The following TYW1 variants were observed in gnomAD, a reference collection of about 807,000 sequenced individuals.
TYW1 encodes tRNA-yW synthesizing protein 1 homolog, also known as S-adenosyl-L-methionine-dependent tRNA 4-demethylwyosine synthase TYW1.
TYW1 carries 46 observed loss-of-function variants against 96.2 expected under a neutral mutation model. That is an observed-to-expected ratio of 0.48 (90% CI 0.38 to 0.61). The LOEUF (loss-of-function observed/expected upper bound fraction) is 0.61. Ranked by LOEUF, TYW1 falls within the 20% of genes least tolerant of loss-of-function variation. The probability of loss-of-function intolerance (pLI) is 0.00; values close to 1 mark genes in which losing one functional copy is unlikely to be tolerated. For missense variants in TYW1, 684 were observed against 909.6 expected (o/e 0.75, Z 3.19); for synonymous variants, 274 against 323.0 (o/e 0.85, Z 1.63).
intron 4 of TYW1, among the ~76,000 whole-genome samples, chr7:67,012,291 T>C (rs1793836822): frequency 6.6e-6 from 1 of 152,016 alleles, no homozygotes; most frequent in Non-Finnish European, 1.5e-5. Flanking sequence ...GAGGTTGCAG[T>C]GAGCTGAGAT....
rs778743156 is a variant in TYW1, at chr7:67,032,885, C to CTTTTTTTTTTTTTTTTTT, written c.984+7875_984+7892dup. 5.2e-5 allele frequency among the ~76,000 whole-genome samples: 4 copies of CTTTTTTTTTTTTTTTTTT among 76,256 alleles called. 1 individual carries two copies. The highest frequency in any genetic ancestry group is 7.0e-5 in the Non-Finnish European group (3 of 42,590). The allele number at this position is 76,256 out of a possible 152,430, so 50.0% of individuals were successfully genotyped here. ...ATTTTCCAGCAGCAGAGAAGTATAC[C>CTTTTTTTTTTTTTTTTTT]TTTTTTTTTTTTTTTTTTTTTTTTT... On this transcript the variant is annotated intron_variant, in intron 7 of 15. Coordinates refer to ENST00000359626, the MANE Select transcript of TYW1 (RefSeq NM_018264.4).
chr7:67,079,447 A>G (rs1400578271), intron 10 of TYW1, among the ~76,000 whole-genome samples: 1 of 151,396 alleles, frequency 6.6e-6, no homozygotes, highest in East Asian at 1.9e-4. Context: ...TGGTATCAGT[A>G]GTAATGTCTC....
chr7:67,153,920 ACTTT>A (rs1296318237), intron 13 of TYW1, among the ~76,000 whole-genome samples: 2 of 133,476 alleles, frequency 1.5e-5, no homozygotes, highest in Admixed American at 8.0e-5. Context: ...CATTTTAACG[ACTTT>A]CTTTTTTTTT....
At chr7:67,066,655 C>T (rs147039642) in intron 9 of TYW1, among the ~76,000 whole-genome samples, 337 of 152,208 alleles carry the variant, frequency 2.2e-3, no homozygotes, top group African/African-American at 7.4e-3. Context: ...TCAAGACCAG[C>T]CTGGGCAACA....
intron 14 of TYW1, among the ~76,000 whole-genome samples, chr7:67,188,073 C>T (rs1230389864): frequency 6.6e-6 from 1 of 152,230 alleles, no homozygotes; most frequent in East Asian, 1.9e-4. Context: ...GTAATCCCAG[C>T]ACTTTGGGAG....
At chr7:67,202,496 C>T (rs556400321) in intron 15 of TYW1, among the ~76,000 whole-genome samples, 50 of 152,234 alleles carry the variant, frequency 3.3e-4, no homozygotes, top group African/African-American at 1.1e-3. Flanking sequence ...TCCCAGGCTC[C>T]AGCAGTCCTC....
rs555889554 is a variant in TYW1 at position 67,147,641 on chromosome 7, C to T, written c.1698+30023C>T. The stretch of plus-strand genomic sequence containing the variant: ...TCTCTATGTGTCCATGTGTTCTCAT[C>T]ATTTAGCTACCACTTATAAGTGAGA... On this transcript the variant is annotated intron_variant, in intron 13 of 15. Coordinates refer to ENST00000359626, the MANE Select transcript of TYW1 (RefSeq NM_018264.4). Among the ~76,000 whole-genome samples the T allele has an allele frequency of 7.9e-5, 12 of 152,204 alleles. No homozygotes were observed. The South Asian group carries it at 8.3e-4, about 11-fold the overall frequency.
intron 9 of TYW1, among the ~76,000 whole-genome samples, chr7:67,060,017 C>T (rs1449357566): frequency 6.7e-6 from 1 of 149,802 alleles, no homozygotes; most frequent in African/African-American, 2.5e-5. Context: ...AAGTGATCTA[C>T]CTGCCTTGGC....
chr7:67,086,092 A>G (rs1272230039), intron 11 of TYW1, among the ~76,000 whole-genome samples: 3 of 152,196 alleles, frequency 2.0e-5, no homozygotes, highest in Non-Finnish European at 4.4e-5. Context: ...TACATTTACA[A>G]AGAAGCTAAT....
chr7:67,016,317 G>C (rs1050735741), intron 5 of TYW1, among the ~76,000 whole-genome samples: 1 of 151,078 alleles, frequency 6.6e-6, no homozygotes, highest in Non-Finnish European at 1.5e-5. Flanking sequence ...GGAGGCAGAG[G>C]CGGGCGGATC....
intron 9 of TYW1, among the ~76,000 whole-genome samples, chr7:67,057,779 C>A (rs1180238666): frequency 6.6e-6 from 1 of 152,100 alleles, no homozygotes; most frequent in Non-Finnish European, 1.5e-5. Flanking sequence ...TCTAGAAGTT[C>A]TTTATATGTT....
intron 14 of TYW1, among the ~76,000 whole-genome samples, chr7:67,192,635 G>A (rs949791853): frequency 3.9e-5 from 6 of 152,196 alleles, no homozygotes; most frequent in South Asian, 2.1e-4. Flanking sequence ...CCATGCTTTC[G>A]TAATGATGTC....
intron 6 of TYW1, among the ~76,000 whole-genome samples, chr7:67,024,568 G>T (rs1161071753): frequency 6.6e-6 from 1 of 152,032 alleles, no homozygotes; most frequent in South Asian, 2.1e-4. Flanking sequence ...ATTACCTGAG[G>T]TCAGGGGTTC....
chr7:67,208,443 G>A (rs1480842435), intron 15 of TYW1, among the ~76,000 whole-genome samples: 4 of 152,144 alleles, frequency 2.6e-5, no homozygotes, highest in African/African-American at 9.7e-5. Flanking sequence ...TGTAATCCCA[G>A]CACTTTGGGA....
chr7:67,136,855 C>G (rs1301968965), intron 13 of TYW1, among the ~76,000 whole-genome samples: 1 of 152,062 alleles, frequency 6.6e-6, no homozygotes, highest in Non-Finnish European at 1.5e-5. Flanking sequence ...CAGACTTTCA[C>G]TCTGTCGCCC....
intron 10 of TYW1, among the ~76,000 whole-genome samples, chr7:67,071,557 A>G (rs1193035275): frequency 6.6e-6 from 1 of 151,840 alleles, no homozygotes; most frequent in African/African-American, 2.4e-5. Flanking sequence ...GGTTCAAGCA[A>G]TTCTCATTCC....
intron 7 of TYW1, among the ~76,000 whole-genome samples, chr7:67,042,175 A>C (rs1795050584): frequency 6.8e-6 from 1 of 148,078 alleles, no homozygotes; most frequent in Non-Finnish European, 1.5e-5. Context: ...AATTAGAATT[A>C]GAATATAATA....
chr7:67,182,179 T>G (rs950658449), intron 13 of TYW1, among the ~76,000 whole-genome samples: 69 of 152,282 alleles, frequency 4.5e-4, no homozygotes, highest in African/African-American at 1.6e-3. Context: ...GTTTTTGAAT[T>G]TTTAATCATT....
At chr7:67,160,522 G>GTATACATATACA (rs58873729) in intron 13 of TYW1, among the ~76,000 whole-genome samples, 3,337 of 145,566 alleles carry the variant, frequency 0.023, 106 homozygotes, top group East Asian at 0.09. Flanking sequence ...TAAGGTATGT[G>GTATACATATACA]TATACATATA....
Sources: gnomAD v4.1 joint callset for allele counts (sites outside exome capture counted in the v4.1 genomes callset) on GRCh38, gnomAD v4.1.1 for gene constraint, MANE v1.5 for transcripts, NCBI Gene and HGNC (gene_info 2026-07-23, HGNC 2026-07-21) for gene names.